Variants in GRID2 observed in about 807,000 individuals in gnomAD.
GRID2 encodes glutamate ionotropic receptor delta type subunit 2.
GRID2 carries 33 observed loss-of-function variants against 114.8 expected under a neutral mutation model. The ratio of observed to expected loss-of-function variants is 0.29; its 90% confidence interval spans 0.22 to 0.38. The LOEUF (loss-of-function observed/expected upper bound fraction) is 0.38, where lower values mean the gene tolerates loss of function less well. GRID2 is among the 10% of genes least tolerant of loss of function. The probability of loss-of-function intolerance (pLI) is 1.00; values close to 1 mark genes in which losing one functional copy is unlikely to be tolerated. For synonymous variants in GRID2, 505 were observed against 449.9 expected (o/e 1.12, Z -1.55); for missense variants, 1,184 against 1,257.7 (o/e 0.94, Z 0.89).
At chr4:92,431,728 G>A (rs774900458) in intron 1 of GRID2, among the ~76,000 whole-genome samples, 1 of 152,000 alleles carries the variant, frequency 6.6e-6, no homozygotes, top group South Asian at 2.1e-4. Context: ...CCCCAGATTG[G>A]TTTCTGATGC....
chr4:92,376,233 C>T (rs1462789904), intron 1 of GRID2, among the ~76,000 whole-genome samples: 1 of 151,944 alleles, frequency 6.6e-6, no homozygotes, highest in Non-Finnish European at 1.5e-5. Context: ...TGGCATGAAC[C>T]CGGGAGGCAG....
chr4:92,442,254 G>T (rs58886190), intron 1 of GRID2, among the ~76,000 whole-genome samples: 1 of 151,872 alleles, frequency 6.6e-6, no homozygotes, highest in South Asian at 2.1e-4. Flanking sequence ...AGAAGATCTG[G>T]GAAGGAGTCA....
In GRID2 at chr4:92,954,789, C is replaced by G. The variant is rs896752254; in HGVS notation, c.245-130206C>G. ...CCTCCCCCCACCCCACAAGAGTCCCCAGAGTGTGATGTTCCCCTTTCTGTG... is the reference window on the plus strand; with the variant it reads ...CCTCCCCCCACCCCACAAGAGTCCCGAGAGTGTGATGTTCCCCTTTCTGTG... On this transcript the variant is annotated intron_variant, in intron 2 of 15. Coordinates refer to ENST00000282020, the MANE Select transcript of GRID2 (RefSeq NM_001510.4). Among the ~76,000 whole-genome samples the G allele has an allele frequency of 2.7e-4, 37 of 134,884 alleles. 1 individual carries two copies. Among genetic ancestry groups the G allele is most frequent in the Non-Finnish European group, 1.6e-5 (1 of 63,918 alleles). 88.5% of individuals were successfully genotyped at this position (134,884 alleles called of 152,430 possible). A position where few individuals can be genotyped will look rare whatever the true frequency, so the allele number is the denominator to read the frequency against.
At chr4:93,568,188 T>A (rs935937140) in intron 13 of GRID2, among the ~76,000 whole-genome samples, 1 of 152,182 alleles carries the variant, frequency 6.6e-6, no homozygotes, top group Non-Finnish European at 1.5e-5. Flanking sequence ...GAAAATTGAC[T>A]GAGATAATAG....
chr4:93,067,483 T>A (rs1728403946), intron 2 of GRID2, among the ~76,000 whole-genome samples: 1 of 151,996 alleles, frequency 6.6e-6, no homozygotes, highest in Admixed American at 6.6e-5. Flanking sequence ...AGGTTACTTA[T>A]CCCATTGAAG....
At chr4:92,814,921 TG>T (rs1384403014) in intron 2 of GRID2, among the ~76,000 whole-genome samples, 1 of 152,064 alleles carries the variant, frequency 6.6e-6, no homozygotes, top group Non-Finnish European at 1.5e-5. Context: ...GTCCCCCCAA[TG>T]TCATGTACTG....
At chr4:92,961,370 T>C (rs1578611668) in intron 2 of GRID2, among the ~76,000 whole-genome samples, 1 of 150,596 alleles carries the variant, frequency 6.6e-6, no homozygotes, top group Non-Finnish European at 1.5e-5. Flanking sequence ...TGACAACACA[T>C]CCCCTCAAAT....
chr4:93,208,483 C>T (rs920293005), intron 5 of GRID2, among the ~76,000 whole-genome samples: 1 of 151,922 alleles, frequency 6.6e-6, no homozygotes, highest in Non-Finnish European at 1.5e-5. Context: ...ATGATCATAT[C>T]ACGTTAAAAT....
chr4:92,744,945 A>T (rs1737074475), intron 2 of GRID2, among the ~76,000 whole-genome samples: 1 of 152,122 alleles, frequency 6.6e-6, no homozygotes, highest in Non-Finnish European at 1.5e-5. Flanking sequence ...TGAGAAATCC[A>T]TCTTTGGGGG....
At chr4:92,439,724 T>C (rs1732933732) in intron 1 of GRID2, among the ~76,000 whole-genome samples, 1 of 145,358 alleles carries the variant, frequency 6.9e-6, no homozygotes, top group African/African-American at 2.4e-5. Context: ...CATAAAAGGT[T>C]TAAGAATTGG....
At chr4:92,518,857 A>G (rs1320227498) in intron 1 of GRID2, among the ~76,000 whole-genome samples, 2 of 151,878 alleles carry the variant, frequency 1.3e-5, no homozygotes, top group Non-Finnish European at 2.9e-5. Flanking sequence ...TCTTTGAAGC[A>G]AAGTATTATA....
intron 2 of GRID2, among the ~76,000 whole-genome samples, chr4:93,065,188 C>A (rs1728195008): frequency 6.6e-6 from 1 of 151,778 alleles, no homozygotes; most frequent in Non-Finnish European, 1.5e-5. Flanking sequence ...CAAGTGAGTT[C>A]TGTAAATCAT....
chr4:92,841,931 A>G (rs1742926907), intron 2 of GRID2, among the ~76,000 whole-genome samples: 1 of 152,062 alleles, frequency 6.6e-6, no homozygotes, highest in Admixed American at 6.6e-5. Flanking sequence ...ACAAGGTGAA[A>G]GTGTAAATAG....
At chr4:93,255,342 A>T (rs982648389) in intron 8 of GRID2, among the ~76,000 whole-genome samples, 3 of 152,120 alleles carry the variant, frequency 2.0e-5, no homozygotes, top group Non-Finnish European at 4.4e-5. Context: ...AAAAGACTAG[A>T]CTTCTAGTTA....
chr4:92,350,704 C>T (rs929525283), intron 1 of GRID2, among the ~76,000 whole-genome samples: 7 of 151,864 alleles, frequency 4.6e-5, no homozygotes, highest in Admixed American at 3.9e-4. Context: ...ATGTAATTCA[C>T]CCATTTAAAA....
rs1241225234 is a variant in GRID2 at position 92,939,364 on chromosome 4, C to T, written c.245-145631C>T. ...GTCTGTTGGCTGCATAAATGTCTTC[C>T]TTTGAGAATTGTCTGTTTATGTCCT... On this transcript the variant is annotated intron_variant, in intron 2 of 15. Transcript: ENST00000282020. 8.1e-5 allele frequency among the ~76,000 whole-genome samples: 12 copies of T among 147,330 alleles called. 1 individual carries two copies. Among genetic ancestry groups the T allele is most frequent in the African/African-American group, 2.9e-4 (12 of 41,222 alleles).
At chr4:93,388,143 G>C (rs1764508828) in intron 8 of GRID2, among the ~76,000 whole-genome samples, 1 of 151,892 alleles carries the variant, frequency 6.6e-6, no homozygotes, top group South Asian at 2.1e-4. Flanking sequence ...GCCTGGGGTG[G>C]GGGCAGGAGA....
At chr4:93,125,633 T>TAATTAC (rs1181543140) in intron 4 of GRID2, among the ~76,000 whole-genome samples, 8 of 152,260 alleles carry the variant, frequency 5.3e-5, no homozygotes, top group Admixed American at 2.6e-4. Flanking sequence ...AATTACTTTT[T>TAATTAC]TTTAACCGTG....
intron 1 of GRID2, among the ~76,000 whole-genome samples, chr4:92,398,207 G>C (rs1045582257): frequency 6.6e-6 from 1 of 151,928 alleles, no homozygotes; most frequent in Non-Finnish European, 1.5e-5. Flanking sequence ...AGATATGAAA[G>C]TATCGTCAAG....
Sources: allele counts gnomAD v4.1 joint callset (sites outside exome capture counted in the v4.1 genomes callset), GRCh38; gene constraint gnomAD v4.1.1; transcripts MANE v1.5; gene names NCBI Gene and HGNC (gene_info 2026-07-23, HGNC 2026-07-21).